Variants in TSC22D1 observed in about 807,000 individuals in gnomAD.
TSC22D1 encodes the protein TSC22 domain family protein 1.
In TSC22D1, 9 loss-of-function variants were observed where a neutral mutation model predicts 74.2. The observed-to-expected ratio is 0.12, with a 90% CI of 0.07 to 0.21. The LOEUF is 0.21. TSC22D1 is among the 10% of genes least tolerant of loss of function. TSC22D1 has a pLI of 1.00. For synonymous variants in TSC22D1, 586 were observed against 492.5 expected (o/e 1.19, Z -2.51); for missense variants, 1,427 against 1,304.7 (o/e 1.09, Z -1.44).
chr13:44,433,927 ATAG>A lies in TSC22D1; in HGVS notation c.*696_*698del, dbSNP rs1183756300. On this transcript the variant is annotated 3_prime_UTR_variant, in exon 3 of 3. Transcript: ENST00000458659. ...CTAAATTTCAATCTGTACAACCTAA[ATAG>A]TAGTTACAGTCCTCTATTGTACAAA... is the stretch of plus-strand genomic sequence containing the variant. 2.0e-6 allele frequency: 3 copies of A among 1,475,884 alleles called. No individual in the cohort carries two copies. Among genetic ancestry groups the A allele is most frequent in the South Asian group, 2.6e-5 (2 of 78,198 alleles). 91.4% of individuals were successfully genotyped at this position (1,475,884 alleles called of 1,614,324 possible). A position where few individuals can be genotyped will look rare whatever the true frequency, so the allele number is the denominator to read the frequency against.
chr13:44,538,759 G>C, intron 1 of TSC22D1: 1 of 985,394 alleles, frequency 1.0e-6, no homozygotes. Flanking sequence ...TAGACATATT[G>C]CATGGATCCA....
At chr13:44,548,118 G>A (rs980613706) in intron 1 of TSC22D1, among the ~76,000 whole-genome samples, 1 of 152,164 alleles carries the variant, frequency 6.6e-6, no homozygotes, top group Non-Finnish European at 1.5e-5. Flanking sequence ...GTAAAGAACA[G>A]GAAATTCAAA....
chr13:44,436,959 G>A (rs1309536849), intron 1 of TSC22D1: 5 of 1,010,208 alleles, frequency 4.9e-6, no homozygotes, highest in South Asian at 9.1e-5. Context: ...AGGTCCTCCC[G>A]CTTCCCTGCT....
intron 1 of TSC22D1, among the ~76,000 whole-genome samples, chr13:44,528,445 A>G (rs1479545565): frequency 6.6e-6 from 1 of 152,154 alleles, no homozygotes; most frequent in Admixed American, 6.5e-5. Context: ...ACTTCTAAAT[A>G]TAACATCGGT....
intron 1 of TSC22D1, among the ~76,000 whole-genome samples, chr13:44,557,740 A>T (rs1323953276): frequency 6.6e-6 from 1 of 152,216 alleles, no homozygotes; most frequent in Non-Finnish European, 1.5e-5. Flanking sequence ...TTTTAATAGA[A>T]TTTTAATTTG....
chr13:44,461,785 A>G (rs1420288927), intron 1 of TSC22D1, among the ~76,000 whole-genome samples: 1 of 152,160 alleles, frequency 6.6e-6, no homozygotes, highest in Non-Finnish European at 1.5e-5. Context: ...CCCACAGCAC[A>G]TGAGCCCCAG....
At chr13:44,451,578 G>A (rs562553490) in intron 1 of TSC22D1, 11 of 152,350 alleles carry the variant, frequency 7.2e-5, no homozygotes, top group Admixed American at 2.0e-4. Flanking sequence ...AAGGAAGCCT[G>A]CTACCAGAGT....
intron 1 of TSC22D1, among the ~76,000 whole-genome samples, chr13:44,469,024 G>A (rs1023617391): frequency 6.6e-6 from 1 of 152,012 alleles, no homozygotes; most frequent in Non-Finnish European, 1.5e-5. Flanking sequence ...ATTATTGATT[G>A]CCATATCATC....
chr13:44,474,178 A>G, intron 1 of TSC22D1: 1 of 950,074 alleles, frequency 1.1e-6, no homozygotes, highest in Non-Finnish European at 1.3e-6. Flanking sequence ...CTGAGAGACA[A>G]TTCCTTCCAC....
chr13:44,471,739 T>A (rs1306226128), intron 1 of TSC22D1, among the ~76,000 whole-genome samples: 4 of 152,208 alleles, frequency 2.6e-5, no homozygotes, highest in African/African-American at 7.2e-5. Flanking sequence ...AAGTCTCCTT[T>A]GACAAATAAA....
chr13:44,506,327 T>C (rs891492591), intron 1 of TSC22D1, among the ~76,000 whole-genome samples: 5 of 152,170 alleles, frequency 3.3e-5, no homozygotes, highest in Non-Finnish European at 7.3e-5. Flanking sequence ...CAGTCTACCT[T>C]TGCAGGGTCA....
At chr13:44,571,377 A>T (rs973599298) in intron 1 of TSC22D1, among the ~76,000 whole-genome samples, 2 of 152,190 alleles carry the variant, frequency 1.3e-5, no homozygotes, top group African/African-American at 4.8e-5. Context: ...CTCTAGTTGA[A>T]AGTAGCATCA....
At chr13:44,548,245 G>A (rs555531941) in intron 1 of TSC22D1, among the ~76,000 whole-genome samples, 3 of 152,284 alleles carry the variant, frequency 2.0e-5, no homozygotes, top group Non-Finnish European at 2.9e-5. Context: ...GGCTGGGCGC[G>A]GTGGCGCATG....
intron 1 of TSC22D1, among the ~76,000 whole-genome samples, chr13:44,507,741 A>T (rs1187208129): frequency 1.3e-5 from 2 of 152,164 alleles, no homozygotes; most frequent in Admixed American, 6.5e-5. Context: ...AAGAATTTTC[A>T]CTCTTGCCTC....
At chr13:44,542,348 T>A (rs776865331) in intron 1 of TSC22D1, among the ~76,000 whole-genome samples, 9 of 152,166 alleles carry the variant, frequency 5.9e-5, no homozygotes, top group Admixed American at 3.9e-4. Context: ...AAAAACCAGA[T>A]CTTGCTCAGA....
At chr13:44,533,661 T>C (rs1285025458) in intron 1 of TSC22D1, among the ~76,000 whole-genome samples, 4 of 151,980 alleles carry the variant, frequency 2.6e-5, no homozygotes, top group Non-Finnish European at 4.4e-5. Context: ...CAGGTGCCTG[T>C]AATCCCAGGT....
At chr13:44,576,742 G>T (rs944833614), upstream of TSC22D1, among the ~76,000 whole-genome samples, 33 of 151,506 alleles carry the variant, frequency 2.2e-4, no homozygotes, top group Admixed American at 4.6e-4. Context: ...GCTGCGAGCG[G>T]GGCGGCGGCG....
At chr13:44,562,497 T>C (rs1018875467) in intron 1 of TSC22D1, among the ~76,000 whole-genome samples, 11 of 152,208 alleles carry the variant, frequency 7.2e-5, no homozygotes, top group Admixed American at 3.9e-4. Context: ...TGCTCACATT[T>C]AGTATCAACA....
intron 1 of TSC22D1, among the ~76,000 whole-genome samples, chr13:44,532,138 T>C (rs889988433): frequency 1.3e-5 from 2 of 152,246 alleles, no homozygotes; most frequent in Admixed American, 1.3e-4. Context: ...GACTGTACTT[T>C]TGTATTTATG....
Sources: gnomAD v4.1 joint callset for allele counts (sites outside exome capture counted in the v4.1 genomes callset) on GRCh38, gnomAD v4.1.1 for gene constraint, MANE v1.5 for transcripts, NCBI Gene and HGNC (gene_info 2026-07-23, HGNC 2026-07-21) for gene names.